Variants in TRDN observed in about 807,000 individuals in gnomAD.
The protein encoded by TRDN is triadin.
In TRDN, 161 loss-of-function variants were observed where a neutral mutation model predicts 149.7. The observed-to-expected ratio is 1.08, with a 90% CI of 0.95 to 1.23. The LOEUF (loss-of-function observed/expected upper bound fraction) is 1.23. Among genes scored for constraint, TRDN ranks in the 50% most tolerant of loss-of-function variants. The pLI, the probability that TRDN is intolerant of heterozygous loss-of-function variation, is 0.00. For synonymous variants in TRDN, 294 were observed against 250.5 expected, an observed-to-expected ratio of 1.17 and a Z score of -1.64; for missense variants, 896 against 823.5, an observed-to-expected ratio of 1.09 and a Z score of -1.08.
At chr6:123,236,146 T>C (rs1775779102) in intron 38 of TRDN, among the ~76,000 whole-genome samples, 1 of 152,204 alleles carries the variant, frequency 6.6e-6, no homozygotes, top group Non-Finnish European at 1.5e-5. Context: ...GTTCTGGTTG[T>C]TTCAAATGCT....
rs1412371336 is a variant in TRDN, at chr6:123,352,079, T to C, written c.1369+460A>G. ...TCATAATATAGTATATATCATAATA[T>C]ACTCTATTTTTGCTGTTATTTTCTT... On this transcript the variant is annotated intron_variant, in intron 21 of 40. Coordinates refer to ENST00000334268, the MANE Select transcript of TRDN (RefSeq NM_006073.4). The C allele has an allele frequency of 7.2e-6, 7 of 977,916 alleles. No homozygotes were observed. In the South Asian group the frequency reaches 2.4e-4, roughly 33 times the overall value. 60.6% of individuals were successfully genotyped at this position (977,916 alleles called of 1,614,324 possible).
chr6:123,510,984 G>C (rs1779157379), intron 7 of TRDN, among the ~76,000 whole-genome samples: 1 of 152,104 alleles, frequency 6.6e-6, no homozygotes, highest in African/African-American at 2.4e-5. Context: ...TTATGGTGCA[G>C]AAGTTGTCTA....
intron 9 of TRDN, among the ~76,000 whole-genome samples, chr6:123,488,222 C>A (rs1778055751): frequency 6.6e-6 from 1 of 152,130 alleles, no homozygotes. Context: ...TGTGAATTAT[C>A]ATTGCACTAT....
In TRDN at chr6:123,300,563, C is replaced by T. The variant is rs146313231; in HGVS notation, c.1510+15894G>A. On this transcript the variant is annotated intron_variant, in intron 24 of 40. Coordinates refer to ENST00000334268, the MANE Select transcript of TRDN (RefSeq NM_006073.4). ...AAATTGTACCTGTCATAGACTGGTT[C>T]GGAAGCTATTAATGACACTATACTT... Among the ~76,000 whole-genome samples, 690 of 151,852 alleles carry T rather than the reference C, an allele frequency of 4.5e-3. 5 individuals are homozygous for T. The highest frequency in any genetic ancestry group is 0.015 in the African/African-American group (607 of 41,476).
intron 16 of TRDN, among the ~76,000 whole-genome samples, chr6:123,378,498 G>A (rs1781595274): frequency 1.5e-5 from 2 of 135,522 alleles, no homozygotes; most frequent in South Asian, 4.5e-4. Context: ...GTGTGTGTGT[G>A]TGGAGACAAA....
intron 10 of TRDN, among the ~76,000 whole-genome samples, chr6:123,443,218 T>C (rs57223168): frequency 0.025 from 3,666 of 148,808 alleles, 153 homozygotes; most frequent in African/African-American, 0.085. Flanking sequence ...ATGTATATAA[T>C]ATATATATAC....
chr6:123,223,675 TCCTTCCTTCCTTCCTTC>T (rs1562217487), intron 39 of TRDN, among the ~76,000 whole-genome samples: 10 of 103,346 alleles, frequency 9.7e-5, no homozygotes, highest in African/African-American at 5.0e-4. Flanking sequence ...TTCCATTTCT[TCCTTCCTTCCTTCCTTC>T]CTTCCTTCCT....
intron 1 of TRDN, among the ~76,000 whole-genome samples, chr6:123,573,124 G>C (rs1398097967): frequency 6.6e-6 from 1 of 151,920 alleles, no homozygotes; most frequent in Non-Finnish European, 1.5e-5. Flanking sequence ...GTTATGCTTT[G>C]GGCTTCATAG....
intron 1 of TRDN, among the ~76,000 whole-genome samples, chr6:123,631,061 C>T (rs1480648240): frequency 6.6e-6 from 1 of 151,326 alleles, no homozygotes; most frequent in Non-Finnish European, 1.5e-5. Flanking sequence ...CAGCTCTGCA[C>T]TATATTTTCT....
chr6:123,462,576 T>TA (rs1411381448), intron 10 of TRDN: 3 of 152,206 alleles, frequency 2.0e-5, no homozygotes, highest in Non-Finnish European at 1.5e-5. Flanking sequence ...GCTCTACTTT[T>TA]AAAAAACATT....
chr6:123,584,989 A>G (rs11966161), intron 1 of TRDN, among the ~76,000 whole-genome samples: 57,757 of 151,486 alleles, frequency 0.38, 11,288 homozygotes, highest in South Asian at 0.42. Context: ...TGTAGCAGGC[A>G]AGTGATAACA....
intron 12 of TRDN, among the ~76,000 whole-genome samples, chr6:123,436,624 A>G (rs1192548713): frequency 6.6e-6 from 1 of 151,968 alleles, no homozygotes; most frequent in Non-Finnish European, 1.5e-5. Flanking sequence ...TTCCACATAC[A>G]TTATTACTAC....
At chr6:123,496,381 C>G (rs565371767) in intron 9 of TRDN, among the ~76,000 whole-genome samples, 1 of 151,706 alleles carries the variant, frequency 6.6e-6, no homozygotes, top group East Asian at 1.9e-4. Flanking sequence ...TTTTGAAAGG[C>G]TTTCACAAAA....
chr6:123,399,492 G>C (rs757402217), intron 12 of TRDN, among the ~76,000 whole-genome samples: 1 of 152,084 alleles, frequency 6.6e-6, no homozygotes, highest in Non-Finnish European at 1.5e-5. Flanking sequence ...GCCATATTAA[G>C]GGCAGATTAC....
chr6:123,497,699 T>C (rs1026837628), intron 8 of TRDN, among the ~76,000 whole-genome samples: 2 of 152,152 alleles, frequency 1.3e-5, no homozygotes, highest in African/African-American at 4.8e-5. Flanking sequence ...ATTGTCTCTA[T>C]GGAGCAGCAG....
At position 123,285,583 on chromosome 6, in the gene TRDN, T is replaced by C. The variant is rs534866777; in HGVS notation, c.1511-6501A>G. On this transcript the variant is annotated intron_variant, in intron 24 of 40. Coordinates refer to ENST00000334268, the MANE Select transcript of TRDN (RefSeq NM_006073.4). ...AACTAAGACCTGAAACTATAACAATTCTAGAAGATAAAATCAGAAAAACCC... is the reference window on the plus strand; with the variant it reads ...AACTAAGACCTGAAACTATAACAATCCTAGAAGATAAAATCAGAAAAACCC... 2.6e-5 allele frequency among the ~76,000 whole-genome samples: 4 copies of C among 152,074 alleles called. No individual in the cohort carries two copies. In the East Asian group the frequency reaches 7.8e-4, roughly 29 times the overall value.
intron 2 of TRDN, among the ~76,000 whole-genome samples, chr6:123,566,155 T>C (rs1302896964): frequency 6.6e-6 from 1 of 152,192 alleles, no homozygotes; most frequent in Admixed American, 6.5e-5. Context: ...AAGTAAGAAG[T>C]GTGGTGTAGG....
chr6:123,482,126 A>T (rs1248852203), intron 9 of TRDN, among the ~76,000 whole-genome samples: 2 of 152,162 alleles, frequency 1.3e-5, no homozygotes, highest in African/African-American at 2.4e-5. Context: ...TTCTGTGTTC[A>T]CAAGAAATTC....
At chr6:123,458,951 C>G (rs1262616863) in intron 10 of TRDN, among the ~76,000 whole-genome samples, 4 of 152,026 alleles carry the variant, frequency 2.6e-5, no homozygotes, top group Non-Finnish European at 1.5e-5. Flanking sequence ...TGTGTGTGTG[C>G]ATTGTAAATG....
Sources: gnomAD v4.1 joint callset for allele counts (sites outside exome capture counted in the v4.1 genomes callset) on GRCh38, gnomAD v4.1.1 for gene constraint, MANE v1.5 for transcripts, NCBI Gene and HGNC (gene_info 2026-07-23, HGNC 2026-07-21) for gene names.